Variants in CENPW observed in about 807,000 individuals in gnomAD.
CENPW encodes centromere protein W, also known as cancer-up-regulated gene 2 protein.
Under a neutral mutation model 11.1 loss-of-function variants are expected in CENPW, and 3 were observed. That is an observed-to-expected ratio of 0.27 (90% confidence interval 0.12 to 0.70). The LOEUF is 0.70. Ranked by LOEUF, CENPW falls within the 30% of genes least tolerant of loss-of-function variation. The pLI, the probability that CENPW is intolerant of heterozygous loss-of-function variation, is 0.77. For missense variants in CENPW, 100 were observed against 105.6 expected (o/e 0.95, Z 0.23); for synonymous variants, 38 against 42.0 (o/e 0.91, Z 0.37).
In CENPW at chr6:126,340,285, G is replaced by T; in HGVS notation, c.12G>T (p.Ser4=). 1.2e-6 allele frequency: 2 copies of T among 1,613,584 alleles called. No homozygotes were observed. Among genetic ancestry groups the T allele is most frequent in the South Asian group, 2.2e-5 (2 of 91,000 alleles). Residue 4 remains serine (S), a synonymous_variant, in exon 1 of 3, where the codon TCG becomes TCT. Transcript: ENST00000368328. The part of the protein sequence containing the change: MAL[S]TIVSQRKQIK... ...ACTTGACAGAGAGGATGGCGCTGTC[G>T]ACCATAGTCTCCCAGAGGAAGCAGA... is the stretch of plus-strand genomic sequence containing the variant.
the CENPW span, among the ~76,000 whole-genome samples, chr6:126,370,926 G>T: frequency 3.6e-3 from 541 of 151,012 alleles, 6 homozygotes; most frequent in African/African-American, 9.3e-3. Context: ...CTAATTTTTT[G>T]TGTGTGTGTG....
the CENPW span, among the ~76,000 whole-genome samples, chr6:126,423,621 T>C: frequency 1.3e-5 from 2 of 151,998 alleles, no homozygotes; most frequent in South Asian, 2.1e-4. Flanking sequence ...TGGTGGATGG[T>C]GGTGGTGGTG....
At chr6:126,463,020 T>G in the CENPW span, among the ~76,000 whole-genome samples, 106 of 152,052 alleles carry the variant, frequency 7.0e-4, no homozygotes, top group Non-Finnish European at 1.4e-3. Flanking sequence ...GGGACAAGTT[T>G]AGGAAATAGC....
the CENPW span, among the ~76,000 whole-genome samples, chr6:126,437,830 G>A: frequency 4.0e-5 from 6 of 151,478 alleles, no homozygotes; most frequent in Admixed American, 1.3e-4. Context: ...ATATTTCTGC[G>A]GGACCCAAAA....
the CENPW span, among the ~76,000 whole-genome samples, chr6:126,411,290 T>C: frequency 1.3e-5 from 2 of 152,152 alleles, no homozygotes; most frequent in Non-Finnish European, 2.9e-5. Context: ...CTGTAGAAAT[T>C]TATGGCAGCA....
At chr6:126,419,574 C>T in the CENPW span, among the ~76,000 whole-genome samples, 1 of 152,096 alleles carries the variant, frequency 6.6e-6, no homozygotes, top group African/African-American at 2.4e-5. Context: ...TATTCTACTG[C>T]TGCTATAATT....
chr6:126,388,947 G>A, the CENPW span, among the ~76,000 whole-genome samples: 2 of 151,820 alleles, frequency 1.3e-5, no homozygotes, highest in Non-Finnish European at 2.9e-5. Flanking sequence ...AGATGAAAAA[G>A]CAAGCATTCA....
At chr6:126,409,294 T>C in the CENPW span, among the ~76,000 whole-genome samples, 2 of 152,220 alleles carry the variant, frequency 1.3e-5, no homozygotes, top group African/African-American at 2.4e-5. Flanking sequence ...AGATACTTGA[T>C]AATTTCAATT....
chr6:126,395,135 C>T, the CENPW span, among the ~76,000 whole-genome samples: 6 of 152,030 alleles, frequency 3.9e-5, no homozygotes, highest in Non-Finnish European at 8.8e-5. Context: ...TCTACTCCCC[C>T]TTCCACTCTT....
the CENPW span, among the ~76,000 whole-genome samples, chr6:126,456,040 C>T: frequency 6.6e-6 from 1 of 151,186 alleles, no homozygotes; most frequent in Admixed American, 6.6e-5. Flanking sequence ...AATTACAAAA[C>T]TCTTCTCAAA....
chr6:126,420,838 G>A, the CENPW span, among the ~76,000 whole-genome samples: 4 of 152,124 alleles, frequency 2.6e-5, no homozygotes, highest in Non-Finnish European at 4.4e-5. Flanking sequence ...TGAAGGCCAG[G>A]TTCAGTTTCT....
chr6:126,429,498 C>T, the CENPW span, among the ~76,000 whole-genome samples: 2 of 152,080 alleles, frequency 1.3e-5, no homozygotes, highest in Non-Finnish European at 2.9e-5. Context: ...TCTCTTGTTC[C>T]TGCTTTCAAC....
At chr6:126,409,990 C>T in the CENPW span, among the ~76,000 whole-genome samples, 1 of 151,728 alleles carries the variant, frequency 6.6e-6, no homozygotes, top group East Asian at 1.9e-4. Flanking sequence ...GTTCTTTCTT[C>T]CTCTCTTATT....
downstream of CENPW, among the ~76,000 whole-genome samples, chr6:126,353,739 G>A (rs1780518432): frequency 6.6e-6 from 1 of 151,822 alleles, no homozygotes; most frequent in Non-Finnish European, 1.5e-5. Context: ...GTTTGATTAT[G>A]TCACACATTA....
chr6:126,391,503 T>G, the CENPW span, among the ~76,000 whole-genome samples: 1 of 152,026 alleles, frequency 6.6e-6, no homozygotes, highest in African/African-American at 2.4e-5. Context: ...ATTTTTGCTT[T>G]GGTTAACTGG....
At chr6:126,422,568 T>A in the CENPW span, among the ~76,000 whole-genome samples, 7 of 152,120 alleles carry the variant, frequency 4.6e-5, no homozygotes. Flanking sequence ...GACAGGACTT[T>A]AACATGACTT....
At chr6:126,387,810 G>T in the CENPW span, among the ~76,000 whole-genome samples, 2 of 151,898 alleles carry the variant, frequency 1.3e-5, no homozygotes, top group African/African-American at 2.4e-5. Context: ...TTGTATATAG[G>T]CCAGAAAAAC....
At chr6:126,450,399 A>G in the CENPW span, among the ~76,000 whole-genome samples, 3 of 150,992 alleles carry the variant, frequency 2.0e-5, no homozygotes, top group East Asian at 5.8e-4. Context: ...TTATACAGCA[A>G]CCTTTCCATG....
chr6:126,373,001 G>A, the CENPW span, among the ~76,000 whole-genome samples: 12 of 152,116 alleles, frequency 7.9e-5, no homozygotes, highest in African/African-American at 2.2e-4. Flanking sequence ...CTTTCTAAGC[G>A]AAATCTCAAA....
Sources: allele counts gnomAD v4.1 joint callset (sites outside exome capture counted in the v4.1 genomes callset), GRCh38; gene constraint gnomAD v4.1.1; transcripts MANE v1.5; gene names NCBI Gene and HGNC (gene_info 2026-07-23, HGNC 2026-07-21).